UBE2H: variants seen among roughly 807,000 people sequenced by gnomAD.
UBE2H encodes the protein ubiquitin conjugating enzyme E2 H, also known as ubiquitin-conjugating enzyme E2 H.
In UBE2H, 3 loss-of-function variants were observed where a neutral mutation model predicts 29.0. That is an observed-to-expected ratio of 0.10 (90% CI 0.05 to 0.27). The LOEUF is 0.27. Ranked by LOEUF, UBE2H falls within the 10% of genes least tolerant of loss-of-function variation. UBE2H has a pLI of 1.00. For missense variants in UBE2H, 68 were observed against 228.2 expected (o/e 0.30, Z 4.52); for synonymous variants, 69 against 82.9 (o/e 0.83, Z 0.91).
At chr7:129,944,048 C>T (rs1338100304) in intron 1 of UBE2H, among the ~76,000 whole-genome samples, 4 of 152,086 alleles carry the variant, frequency 2.6e-5, no homozygotes, top group Non-Finnish European at 4.4e-5. Context: ...TGTAATTTAA[C>T]ATGATTCCTT....
chr7:129,897,631 C>G (rs954989435), intron 1 of UBE2H, among the ~76,000 whole-genome samples: 1 of 152,186 alleles, frequency 6.6e-6, no homozygotes. Context: ...ATACACTAGA[C>G]AGAATGCTAA....
intron 3 of UBE2H, among the ~76,000 whole-genome samples, chr7:129,861,911 A>G (rs1805810590): frequency 6.6e-6 from 1 of 152,214 alleles, no homozygotes; most frequent in African/African-American, 2.4e-5. Flanking sequence ...ACATAGTATC[A>G]AACATTCTAA....
chr7:129,834,099 A>C lies in UBE2H; in HGVS notation c.*838T>G, dbSNP rs1159186205. On this transcript the variant is annotated 3_prime_UTR_variant, in exon 7 of 7. Transcript: ENST00000355621. Reference sequence around the variant, plus strand: ...GGGTAGCGGTCTCAAACTGCCAAACACTAGGATGAGGATGTGACTCTGCAT... The same window carrying C: ...GGGTAGCGGTCTCAAACTGCCAAACCCTAGGATGAGGATGTGACTCTGCAT... The C allele has an allele frequency of 6.6e-6, 1 of 152,132 alleles. No homozygotes were observed. The highest frequency in any genetic ancestry group is 1.5e-5 in the Non-Finnish European group (1 of 68,032). The allele number at this position is 152,132 out of a possible 1,614,324, so 9.4% of individuals were successfully genotyped here.
At chr7:129,868,533 T>C (rs1042126221) in intron 3 of UBE2H, among the ~76,000 whole-genome samples, 5 of 133,264 alleles carry the variant, frequency 3.8e-5, no homozygotes, top group African/African-American at 2.9e-5. Context: ...TGAGCCGAGA[T>C]TGCGCCACTG....
intron 1 of UBE2H, among the ~76,000 whole-genome samples, chr7:129,928,581 C>G (rs1016053666): frequency 6.6e-6 from 1 of 152,078 alleles, no homozygotes; most frequent in African/African-American, 2.4e-5. Flanking sequence ...CCAGCCTGCG[C>G]GACAAAGCGA....
At chr7:129,894,561 C>T (rs975667814) in intron 1 of UBE2H, among the ~76,000 whole-genome samples, 2 of 150,882 alleles carry the variant, frequency 1.3e-5, no homozygotes, top group Non-Finnish European at 2.9e-5. Flanking sequence ...GATCTTGGCC[C>T]ACTGCAACCT....
intron 2 of UBE2H, among the ~76,000 whole-genome samples, chr7:129,880,123 C>T (rs1339488818): frequency 6.6e-6 from 1 of 152,144 alleles, no homozygotes; most frequent in African/African-American, 2.4e-5. Context: ...TTCCACACCC[C>T]TGGATTCAAC....
rs200576465 is a variant in UBE2H, at chr7:129,952,599, G to C, written c.-44C>G. The C allele has an allele frequency of 8.7e-6, 14 of 1,602,892 alleles. No homozygotes were observed. Among genetic ancestry groups the C allele is most frequent in the Admixed American group, 3.4e-5 (2 of 59,678 alleles). ...CTCCCTTCCTCGGCCCGTCTGTCAC[G>C]GGCCCGGGGCCCCGGCTCTGAGGAG... is the stretch of plus-strand genomic sequence containing the variant. On this transcript the variant is annotated 5_prime_UTR_variant, in exon 1 of 7. Coordinates refer to ENST00000355621, the MANE Select transcript of UBE2H (RefSeq NM_003344.4).
intron 1 of UBE2H, among the ~76,000 whole-genome samples, chr7:129,904,636 A>T (rs1806780002): frequency 6.6e-6 from 1 of 152,200 alleles, no homozygotes; most frequent in Non-Finnish European, 1.5e-5. Context: ...TATTCCTGAC[A>T]TGTAGCTGAG....
At chr7:129,842,427 T>A (rs1805445082) in intron 5 of UBE2H, among the ~76,000 whole-genome samples, 1 of 152,146 alleles carries the variant, frequency 6.6e-6, no homozygotes, top group Non-Finnish European at 1.5e-5. Context: ...TGGAACCCTG[T>A]CTCAAATAAA....
intron 1 of UBE2H, among the ~76,000 whole-genome samples, chr7:129,935,965 G>A (rs1807519678): frequency 6.6e-6 from 1 of 152,162 alleles, no homozygotes. Context: ...TTATTGCCTA[G>A]AGAGAATATG....
At chr7:129,916,643 C>T (rs1328945680) in intron 1 of UBE2H, among the ~76,000 whole-genome samples, 1 of 152,096 alleles carries the variant, frequency 6.6e-6, no homozygotes, top group East Asian at 1.9e-4. Flanking sequence ...TAGAAATAGA[C>T]GCAAAGCCTC....
At chr7:129,838,649 T>G (rs1230462413) in intron 6 of UBE2H, among the ~76,000 whole-genome samples, 1 of 152,178 alleles carries the variant, frequency 6.6e-6, no homozygotes, top group Non-Finnish European at 1.5e-5. Flanking sequence ...AGATTTTTTT[T>G]CTTTTTTAAA....
chr7:129,884,708 C>G (rs1425489031), intron 1 of UBE2H, among the ~76,000 whole-genome samples: 1 of 151,710 alleles, frequency 6.6e-6, no homozygotes, highest in East Asian at 1.9e-4. Flanking sequence ...ACCTCTACTT[C>G]CCCCTAGCTG....
chr7:129,940,962 CT>C (rs952831204), intron 1 of UBE2H, among the ~76,000 whole-genome samples: 4 of 151,590 alleles, frequency 2.6e-5, no homozygotes, highest in Admixed American at 6.6e-5. Flanking sequence ...AAACTGGAAT[CT>C]TTTTTTTTGG....
rs182065507 is a variant in UBE2H, at chr7:129,919,856, G to A, written c.53+32647C>T. Among the ~76,000 whole-genome samples, 8 of 152,294 alleles carry A rather than the reference G, an allele frequency of 5.3e-5. No homozygotes were observed. The East Asian group carries it at 1.3e-3, about 26-fold the overall frequency. Reference sequence around the variant, plus strand: ...AGAAAATAAACTGAGAAAACACTGGGATACCATTTCACATCCATCAGATAG... The same window carrying A: ...AGAAAATAAACTGAGAAAACACTGGAATACCATTTCACATCCATCAGATAG... On this transcript the variant is annotated intron_variant, in intron 1 of 6. Coordinates refer to ENST00000355621, the MANE Select transcript of UBE2H (RefSeq NM_003344.4).
intron 5 of UBE2H, among the ~76,000 whole-genome samples, chr7:129,850,374 A>G (rs1020231577): frequency 1.3e-5 from 2 of 151,916 alleles, no homozygotes; most frequent in Non-Finnish European, 2.9e-5. Context: ...AAAGAAAAAA[A>G]TAACAATTAG....
chr7:129,929,620 CACTT>C (rs1459816486), intron 1 of UBE2H, among the ~76,000 whole-genome samples: 2 of 152,162 alleles, frequency 1.3e-5, no homozygotes, highest in African/African-American at 4.8e-5. Flanking sequence ...GACATAAAAA[CACTT>C]ACCATCTTCA....
At chr7:129,871,964 CGTCT>C (rs1806044804) in intron 3 of UBE2H, among the ~76,000 whole-genome samples, 1 of 152,102 alleles carries the variant, frequency 6.6e-6, no homozygotes, top group South Asian at 2.1e-4. Flanking sequence ...CTCCTTCCTC[CGTCT>C]CTCGAGTAGC....
Sources: gnomAD v4.1 joint callset for allele counts (sites outside exome capture counted in the v4.1 genomes callset) on GRCh38, gnomAD v4.1.1 for gene constraint, MANE v1.5 for transcripts, NCBI Gene and HGNC (gene_info 2026-07-23, HGNC 2026-07-21) for gene names.